Variants in STOML3 observed in about 807,000 individuals in gnomAD.
STOML3 encodes stomatin like 3, also known as stomatin-like protein 3.
Under a neutral mutation model 29.5 loss-of-function variants are expected in STOML3, and 31 were observed. The observed-to-expected ratio is 1.05, with a 90% confidence interval of 0.79 to 1.42. STOML3 has a LOEUF of 1.42. STOML3 is among the 40% of genes most tolerant of loss of function. The pLI is 0.00. For missense variants in STOML3, 380 were observed against 363.0 expected (o/e 1.05, Z -0.38); for synonymous variants, 122 against 139.8 (o/e 0.87, Z 0.90).
chr13:38,973,706 C>T (rs188038126), intron 3 of STOML3, among the ~76,000 whole-genome samples: 2 of 152,088 alleles, frequency 1.3e-5, no homozygotes, highest in East Asian at 3.8e-4. Context: ...TAATAAAGTT[C>T]TTATCAGCTA....
rs1225341796 is a variant in STOML3 at position 38,967,043 on chromosome 13, CAAGGACCTGA to C, written c.652-4_657del. 6.2e-7 allele frequency: 1 copy of C among 1,613,362 alleles called. No individual in the cohort carries two copies. Among genetic ancestry groups the C allele is most frequent in the Admixed American group, 1.7e-5 (1 of 59,942 alleles). ...GAAGCATTCATTTCTCCTTCAGCTG[CAAGGACCTGA>C]AATGACAGAAATAAAATCGTTCAGA... is the stretch of plus-strand genomic sequence containing the variant. On this transcript the variant is annotated splice_acceptor_variant and splice_polypyrimidine_tract_variant and coding_sequence_variant and intron_variant, in exon 7 of 7. Transcript: ENST00000379631. LOFTEE classifies it high-confidence loss of function.
chr13:38,987,859 TG>T (rs1266420899), intron 1 of STOML3, among the ~76,000 whole-genome samples: 4 of 83,058 alleles, frequency 4.8e-5, no homozygotes, highest in African/African-American at 1.2e-4. Flanking sequence ...ATATATTATA[TG>T]TTATATATAA....
chr13:38,975,894 G>A (rs1881057016), intron 3 of STOML3, among the ~76,000 whole-genome samples: 1 of 151,938 alleles, frequency 6.6e-6, no homozygotes, highest in African/African-American at 2.4e-5. Flanking sequence ...GGTAAAGAAA[G>A]GATGGAAATA....
rs746600648 is a variant in STOML3, at chr13:38,976,516, G to T, written c.229+24C>A. ...GTATTAGGTGTCCCTGATCTTTCAGGGGCAGCCACCGCGTCATTCATACCT... is the reference window on the plus strand; with the variant it reads ...GTATTAGGTGTCCCTGATCTTTCAGTGGCAGCCACCGCGTCATTCATACCT... On this transcript the variant is annotated intron_variant, in intron 3 of 6. Transcript: ENST00000379631. 1.9e-6 allele frequency: 3 copies of T among 1,613,500 alleles called. No individual in the cohort carries two copies. The Admixed American group carries it at 5.0e-5, about 27-fold the overall frequency.
At chr13:38,968,011 C>T (rs563455615) in intron 6 of STOML3, among the ~76,000 whole-genome samples, 1 of 152,204 alleles carries the variant, frequency 6.6e-6, no homozygotes, top group South Asian at 2.1e-4. Flanking sequence ...TCTAAGTCAC[C>T]AGCTTTATGA....
At chr13:38,974,554 T>C (rs1881001709) in intron 3 of STOML3, among the ~76,000 whole-genome samples, 1 of 152,186 alleles carries the variant, frequency 6.6e-6, no homozygotes. Flanking sequence ...TTCAACATCA[T>C]GATGAAATAA....
In STOML3 at chr13:38,990,772, T is replaced by G. The variant is rs1480249269; in HGVS notation, c.-51A>C. Reference sequence around the variant, plus strand: ...TGGCAATTTTTCATGGGTTTGGAGCTAAGTGTGAAGAACAGGCAGCAACTC... The same window carrying G: ...TGGCAATTTTTCATGGGTTTGGAGCGAAGTGTGAAGAACAGGCAGCAACTC... On this transcript the variant is annotated 5_prime_UTR_variant, in exon 1 of 7. Coordinates refer to ENST00000379631, the MANE Select transcript of STOML3 (RefSeq NM_145286.3). 4 of 1,583,182 alleles carry G rather than the reference T, an allele frequency of 2.5e-6. No individual in the cohort carries two copies. The highest frequency in any genetic ancestry group is 3.5e-6 in the Non-Finnish European group (4 of 1,153,754).
chr13:38,981,637 T>A (rs1440012604), intron 1 of STOML3, among the ~76,000 whole-genome samples: 2 of 152,134 alleles, frequency 1.3e-5, no homozygotes, highest in Non-Finnish European at 2.9e-5. Flanking sequence ...AACTGTTAAG[T>A]ATTATGACAT....
intron 1 of STOML3, among the ~76,000 whole-genome samples, chr13:38,977,776 T>G (rs1313265113): frequency 8.2e-6 from 1 of 122,072 alleles, no homozygotes; most frequent in Non-Finnish European, 1.8e-5. Flanking sequence ...TTTTTTTTTT[T>G]TGAGACGGAG....
chr13:38,988,250 T>TAA (rs1415716146), intron 1 of STOML3, among the ~76,000 whole-genome samples: 1 of 84,428 alleles, frequency 1.2e-5, no homozygotes, highest in Non-Finnish European at 1.9e-5. Flanking sequence ...ATATAATATA[T>TAA]TATATTTTAT....
In STOML3 at chr13:38,973,096, TAAAAAAAAAAAAAAAAAAAAAA is replaced by T. The variant is rs71074495; in HGVS notation, c.230-524_230-503del. 6.8e-4 allele frequency among the ~76,000 whole-genome samples: 22 copies of T among 32,570 alleles called. No individual in the cohort carries two copies. The East Asian group carries it at 0.024, about 36-fold the overall frequency. The allele number at this position is 32,570 out of a possible 152,430, so 21.4% of individuals were successfully genotyped here. ...CAACATGGTGAAGCCCCGTCTCTAC[TAAAAAAAAAAAAAAAAAAAAAA>T]AAAAAAAAAAAAAATTATCTGGGCA... is the stretch of plus-strand genomic sequence containing the variant. On this transcript the variant is annotated intron_variant, in intron 3 of 6. Transcript: ENST00000379631.
At chr13:38,980,356 T>G (rs1881229482) in intron 1 of STOML3, among the ~76,000 whole-genome samples, 1 of 152,158 alleles carries the variant, frequency 6.6e-6, no homozygotes, top group African/African-American at 2.4e-5. Context: ...ACAGAGTAAC[T>G]CTTCCTGGCA....
In STOML3 at chr13:38,966,557, T is replaced by C. The variant is rs1011637150; in HGVS notation, c.*268A>G. 1.8e-5 allele frequency: 5 copies of C among 277,320 alleles called. No homozygotes were observed. Among genetic ancestry groups the C allele is most frequent in the Non-Finnish European group, 2.7e-5 (4 of 147,966 alleles). 17.2% of individuals were successfully genotyped at this position (277,320 alleles called of 1,614,324 possible). ...TCTCATACTACCAGAAAGTTCCTGC[T>C]ATAAAGTCGGAGACCACCACTAATT... is the stretch of plus-strand genomic sequence containing the variant. On this transcript the variant is annotated 3_prime_UTR_variant, in exon 7 of 7. Coordinates refer to ENST00000379631, the MANE Select transcript of STOML3 (RefSeq NM_145286.3).
chr13:38,973,649 A>G (rs992822600), intron 3 of STOML3, among the ~76,000 whole-genome samples: 5 of 152,102 alleles, frequency 3.3e-5, no homozygotes, highest in African/African-American at 1.2e-4. Context: ...GGTTCAACCT[A>G]TGAATTTTGG....
At chr13:38,987,763 T>C (rs868030579) in intron 1 of STOML3, among the ~76,000 whole-genome samples, 1 of 121,110 alleles carries the variant, frequency 8.3e-6, no homozygotes, top group Non-Finnish European at 1.6e-5. Flanking sequence ...ATGTATATTA[T>C]ATAATATATA....
chr13:38,981,062 C>A (rs992304028), intron 1 of STOML3, among the ~76,000 whole-genome samples: 9 of 152,154 alleles, frequency 5.9e-5, no homozygotes, highest in Non-Finnish European at 1.5e-5. Context: ...AGGCCCAGAG[C>A]CACTGACAAG....
At chr13:38,972,031 T>C (rs1880888091) in intron 4 of STOML3, among the ~76,000 whole-genome samples, 1 of 152,206 alleles carries the variant, frequency 6.6e-6, no homozygotes, top group East Asian at 1.9e-4. Flanking sequence ...CTCTATTGCA[T>C]CCAAACACAG....
At chr13:38,988,402 A>T (rs191212172) in intron 1 of STOML3, among the ~76,000 whole-genome samples, 37 of 62,756 alleles carry the variant, frequency 5.9e-4, no homozygotes, top group Non-Finnish European at 8.6e-4. Flanking sequence ...ATTTTATATA[A>T]AATATATGAT....
At position 38,970,402 on chromosome 13, in the gene STOML3, A is replaced by G; in HGVS notation, c.313-14T>C. The G allele has an allele frequency of 6.2e-7, 1 of 1,610,028 alleles. No individual in the cohort carries two copies. Among genetic ancestry groups the G allele is most frequent in the Non-Finnish European group, 8.5e-7 (1 of 1,176,600 alleles). On this transcript the variant is annotated splice_polypyrimidine_tract_variant and intron_variant, in intron 4 of 6. Transcript: ENST00000379631. ...TCTGGTGAGGATCTGTGGAGTAAGAACAGGGCAAAATCACTTATTTATGAC... is the reference window on the plus strand; with the variant it reads ...TCTGGTGAGGATCTGTGGAGTAAGAGCAGGGCAAAATCACTTATTTATGAC...
Sources: allele counts gnomAD v4.1 joint callset (sites outside exome capture counted in the v4.1 genomes callset), GRCh38; gene constraint gnomAD v4.1.1; transcripts MANE v1.5; gene names NCBI Gene and HGNC (gene_info 2026-07-23, HGNC 2026-07-21).